The following PTCH1 variants were observed in gnomAD, a reference collection of about 807,000 sequenced individuals.
The protein encoded by PTCH1 is patched 1, also known as protein patched homolog 1.
Under a neutral mutation model 144.6 loss-of-function variants are expected in PTCH1, and 14 were observed. The observed-to-expected ratio is 0.10, with a 90% CI of 0.06 to 0.15. The LOEUF is 0.15. Ranked by LOEUF, PTCH1 falls within the 10% of genes least tolerant of loss-of-function variation. The pLI is 1.00. For missense variants in PTCH1, 1,623 were observed against 1,948.3 expected, an observed-to-expected ratio of 0.83 and a Z score of 3.14; for synonymous variants, 833 against 793.6, an observed-to-expected ratio of 1.05 and a Z score of -0.83.
Position 95,478,089 on chromosome 9 carries a change from C to T in PTCH1, c.1313G>A (p.Ser438Asn). 6.2e-7 allele frequency: 1 copy of T among 1,614,200 alleles called. No individual in the cohort carries two copies. The highest frequency in any genetic ancestry group is 8.5e-7 in the Non-Finnish European group (1 of 1,180,044). The change falls in exon 9 of 24, where the codon AGT becomes AAT. Residue 438 changes from serine (S) to asparagine (N), a missense_variant. Ser to Asn is a conservative substitution (Grantham distance 46). Coordinates refer to ENST00000331920, the MANE Select transcript of PTCH1 (RefSeq NM_000264.5). ...GTAGCCGCTGGCCACGCGGATGACA[C>T]TGACGTCAGAGAAGGATTTCAGGAT... ...DDILKSFSDV[S>N]VIRVASGYLL...
Position 95,459,694 on chromosome 9 carries a change from G to C in PTCH1, c.2793C>G (p.Pro931=), listed in dbSNP as rs1162747889. Reference sequence around the variant, plus strand: ...TGGCCTGGGAGGCAGCATACGCGACGGGGTCGTTGCTGACCCAAGCCGTCA... The same window carrying C: ...TGGCCTGGGAGGCAGCATACGCGACCGGGTCGTTGCTGACCCAAGCCGTCA... ...IYLTAWVSND[P]VAYAASQANI... is the part of the protein sequence containing the mutation. The change falls in exon 17 of 24, where the codon CCC becomes CCG. Residue 931 remains proline (P), a synonymous_variant. Transcript: ENST00000331920. 6.2e-7 allele frequency: 1 copy of C among 1,614,184 alleles called. No homozygotes were observed. The highest frequency in any genetic ancestry group is 8.5e-7 in the Non-Finnish European group (1 of 1,180,036).
intron 3 of PTCH1, chr9:95,483,410 G>GAAAAAA (rs113335239): frequency 9.1e-6 from 1 of 109,852 alleles, no homozygotes; most frequent in East Asian, 2.6e-4. Context: ...CCAAGGGAAG[G>GAAAAAA]AAAAAAAAAA....
chr9:95,469,333 G>A (rs1185635480), intron 13 of PTCH1, 180 bp from the exon 14 acceptor site: 9 of 924,840 alleles, frequency 9.7e-6, no homozygotes, highest in East Asian at 2.6e-5. Context: ...CTGGTTCATC[G>A]CCTGGTGAAC....
Position 95,458,555 on chromosome 9 carries a change from C to T in PTCH1, c.2888-262G>A, listed in dbSNP as rs1839173307. On this transcript the variant is annotated intron_variant, in intron 17 of 23. Coordinates refer to ENST00000331920, the MANE Select transcript of PTCH1 (RefSeq NM_000264.5). This position sits in a 1 kb window ranked among gnomAD's most constrained non-coding sequence, Gnocchi z 4.7. ...ATTCTTTGTGAGGGGTCTAAAAACT[C>T]CAGGCTTACATTTTGGGAACATTTT... Among the ~76,000 whole-genome samples, 1 of 152,208 alleles carries T rather than the reference C, an allele frequency of 6.6e-6. No homozygotes were observed. The highest frequency in any genetic ancestry group is 6.5e-5 in the Admixed American group (1 of 15,286).
In PTCH1 at chr9:95,468,726, A is replaced by G. The variant is rs16909898; in HGVS notation, c.2250+25T>C. 149,372 of 1,611,110 alleles carry G rather than the reference A, an allele frequency of 0.093. 7,352 individuals are homozygous for G. Among genetic ancestry groups the G allele is most frequent in the African/African-American group, 0.14 (10,306 of 74,928 alleles). The stretch of plus-strand genomic sequence containing the variant: ...TTCTGTTATTTTTTTGAAGACAGGA[A>G]GAGCCTTAAGTTGTGGCAGATTACC... On this transcript the variant is annotated intron_variant, in intron 14 of 23. Coordinates refer to ENST00000331920, the MANE Select transcript of PTCH1 (RefSeq NM_000264.5).
chr9:95,463,170 C>CA (rs71498963), intron 15 of PTCH1, among the ~76,000 whole-genome samples: 2 of 151,814 alleles, frequency 1.3e-5, no homozygotes, highest in African/African-American at 2.4e-5. Context: ...TCAAAGGCTT[C>CA]AAAAAAAATC....
chr9:95,478,246 C>T (rs894666672), intron 8 of PTCH1, 60 bp from the exon 9 acceptor site: 7 of 1,610,150 alleles, frequency 4.3e-6, no homozygotes, highest in African/African-American at 4.0e-5. Flanking sequence ...CAAGCCTCGA[C>T]AGCACAGATC....
At position 95,447,256 on chromosome 9, in the gene PTCH1, T is replaced by C. The variant is rs1420657376; in HGVS notation, c.4000A>G (p.Ser1334Gly). Residue 1334 changes from serine (S) to glycine (G), a missense_variant, in exon 23 of 24, where the codon AGC becomes GGC. Transcript: ENST00000331920. ...EISTEGHSGP[S>G]NRARWGPRGA... ...CGAGGGCCCCAGCGGGCCCTATTGCTAGGGCCAGAATGCCCTTCAGTAGAA... is the reference window on the plus strand; with the variant it reads ...CGAGGGCCCCAGCGGGCCCTATTGCCAGGGCCAGAATGCCCTTCAGTAGAA... 1 of 1,612,906 alleles carries C rather than the reference T, an allele frequency of 6.2e-7. No homozygotes were observed. Among genetic ancestry groups the C allele is most frequent in the Non-Finnish European group, 8.5e-7 (1 of 1,179,914 alleles).
In PTCH1 at chr9:95,506,596, T is replaced by G; in HGVS notation, c.205A>C (p.Lys69Gln). The G allele has an allele frequency of 1.9e-6, 3 of 1,610,632 alleles. No individual in the cohort carries two copies. Among genetic ancestry groups the G allele is most frequent in the Non-Finnish European group, 2.5e-6 (3 of 1,178,462 alleles). The change falls in exon 2 of 24, where the codon AAG (lysine) becomes CAG (glutamine). Residue 69 changes from lysine to glutamine, a missense_variant. Around this residue, in one of 7 missense-constraint regions of PTCH1, gnomAD observed 245 missense variants for 240.6 expected, o/e 1.02. Transcript: ENST00000331920. The stretch of plus-strand genomic sequence containing the variant: ...AGCGGCGCTTTCCGGCCAGTAGCCT[T>G]CCCCTGGGGACGAAGCAGAAGGGAG... ...AFALEQISKG[K>Q]ATGRKAPLWL...
At chr9:95,486,133 G>A (rs1404421682) in intron 2 of PTCH1, among the ~76,000 whole-genome samples, 3 of 150,530 alleles carry the variant, frequency 2.0e-5, no homozygotes, top group African/African-American at 7.4e-5. Context: ...AATACACTGT[G>A]TGACGAAAGT....
At chr9:95,474,298 T>A (rs1447521540) in intron 12 of PTCH1, among the ~76,000 whole-genome samples, 5 of 151,576 alleles carry the variant, frequency 3.3e-5, no homozygotes, top group African/African-American at 1.2e-4. Context: ...TCTAGAACAG[T>A]TTCTCAATAC....
intron 14 of PTCH1, among the ~76,000 whole-genome samples, chr9:95,468,305 C>T (rs1840217200): frequency 6.6e-6 from 1 of 152,196 alleles, no homozygotes; most frequent in African/African-American, 2.4e-5. Flanking sequence ...AATCCGCTGG[C>T]CTTGGCCTCC....
intron 2 of PTCH1, among the ~76,000 whole-genome samples, chr9:95,493,814 A>C (rs1842601465): frequency 6.6e-6 from 1 of 151,674 alleles, no homozygotes; most frequent in African/African-American, 2.4e-5. Flanking sequence ...AAAAAAAAGA[A>C]AATTCAGTAA....
In PTCH1 at chr9:95,480,077, G is replaced by A. The variant is rs2118395686; in HGVS notation, c.959C>T (p.Ala320Val). 6.2e-7 allele frequency: 1 copy of A among 1,613,850 alleles called. No individual in the cohort carries two copies. Among genetic ancestry groups the A allele is most frequent in the Non-Finnish European group, 8.5e-7 (1 of 1,179,998 alleles). The change falls in exon 7 of 24, where the codon GCC becomes GTC. Residue 320 changes from alanine to valine, a missense_variant. Transcript: ENST00000331920. ...NKNSTKPLDMALVLNGGCHGL... is the reference protein window; with the variant it reads ...NKNSTKPLDMVLVLNGGCHGL... ...ATGACATCCACCATTCAAAACAAGG[G>A]CCATATCAAGAGGCTAAAATAAAAA... is the stretch of plus-strand genomic sequence containing the variant.
At chr9:95,502,133 C>T (rs1214175644) in intron 2 of PTCH1, among the ~76,000 whole-genome samples, 1 of 152,182 alleles carries the variant, frequency 6.6e-6, no homozygotes, top group African/African-American at 2.4e-5. Context: ...GTTCTCTGAG[C>T]CTTTGCCTAT....
intron 2 of PTCH1, among the ~76,000 whole-genome samples, chr9:95,497,167 C>G (rs1469300984): frequency 1.3e-5 from 2 of 152,178 alleles, no homozygotes; most frequent in Admixed American, 1.3e-4. Flanking sequence ...TCCTAACTCA[C>G]AAAACATGTT....
chr9:95,511,623 T>A (rs578134006), upstream of PTCH1, among the ~76,000 whole-genome samples: 1 of 152,224 alleles, frequency 6.6e-6, no homozygotes, highest in Non-Finnish European at 1.5e-5. Flanking sequence ...GCGGGCAGCA[T>A]GCGAGGAAAA....
In PTCH1 at chr9:95,508,862, G is replaced by A. The variant is rs1335829355; in HGVS notation, c.-501C>T. The A allele has an allele frequency of 4.1e-6, 4 of 979,570 alleles. No homozygotes were observed. Among genetic ancestry groups the A allele is most frequent in the Admixed American group, 6.2e-5 (1 of 16,138 alleles). The allele number at this position is 979,570 out of a possible 1,614,324, so 60.7% of individuals were successfully genotyped here. A position where few individuals can be genotyped will look rare whatever the true frequency, so the allele number is the denominator to read the frequency against. The stretch of plus-strand genomic sequence containing the variant: ...CCTCCCGGGTCGCCCGAGCGGCCGC[G>A]GAGGGCAAGCGCAGAGCCGCCGCCG... On this transcript the variant is annotated 5_prime_UTR_variant, in exon 1 of 24. Coordinates refer to ENST00000331920, the MANE Select transcript of PTCH1 (RefSeq NM_000264.5).
Position 95,453,163 on chromosome 9 carries a change from C to T in PTCH1, c.3449+315G>A, listed in dbSNP as rs1348367908. 4.2e-5 allele frequency: 16 copies of T among 377,142 alleles called. No individual in the cohort carries two copies. In the Admixed American group the frequency reaches 5.2e-4, roughly 12 times the overall value. 23.4% of individuals were successfully genotyped at this position (377,142 alleles called of 1,614,324 possible). A position where few individuals can be genotyped will look rare whatever the true frequency, so the allele number is the denominator to read the frequency against. ...TATTTTTTTTTTTGAGACAGAATCT[C>T]GCTCTGTCACCCAGGCTGGAGTGTA... On this transcript the variant is annotated intron_variant, in intron 20 of 23. Transcript: ENST00000331920.
Sources: gnomAD v4.1 joint callset for allele counts (sites outside exome capture counted in the v4.1 genomes callset) on GRCh38, gnomAD v4.1.1 for gene constraint, gnomAD v4.1.1 regional missense constraint, Gnocchi (gnomAD v3.1) non-coding constraint, MANE v1.5 for transcripts, NCBI Gene and HGNC (gene_info 2026-07-23, HGNC 2026-07-21) for gene names.